The following TNRC18 variants were observed in gnomAD, a reference collection of about 807,000 sequenced individuals.
TNRC18 encodes the protein trinucleotide repeat containing 18.
Under a neutral mutation model 226.7 loss-of-function variants are expected in TNRC18, and 69 were observed. That is an observed-to-expected ratio of 0.30 (90% CI 0.25 to 0.37). The LOEUF is 0.37. TNRC18 is among the 10% of genes least tolerant of loss of function. The pLI, the probability that TNRC18 is intolerant of heterozygous loss-of-function variation, is 1.00. For synonymous variants in TNRC18, 2,449 were observed against 1,927.6 expected, an observed-to-expected ratio of 1.27 and a Z score of -7.09; for missense variants, 4,754 against 4,256.6, an observed-to-expected ratio of 1.12 and a Z score of -3.25.
In TNRC18 at chr7:5,359,497, C is replaced by T. The variant is rs1168348809; in HGVS notation, c.4734G>A (p.Gly1578=). The change falls in exon 15 of 30, where the codon GGG becomes GGA. Residue 1578 remains glycine, a synonymous_variant. Transcript: ENST00000430969. ...LGAGIRKRHK[G]SEEEHDALIG... ...TGAGGGCATCATGTTCCTCCTCAGA[C>T]CCCTTGTGTCTCTTTCTTATCCCTG... 5 of 1,613,916 alleles carry T rather than the reference C, an allele frequency of 3.1e-6. No homozygotes were observed. The highest frequency in any genetic ancestry group is 2.7e-5 in the African/African-American group (2 of 74,936).
intron 11 of TNRC18, among the ~76,000 whole-genome samples, chr7:5,368,613 C>T (rs1793860357): frequency 1.5e-5 from 2 of 134,002 alleles, no homozygotes; most frequent in Non-Finnish European, 3.0e-5. Flanking sequence ...TGCAGTGAGC[C>T]GAGATGGCAC....
At chr7:5,354,745 C>A (rs77943904) in intron 16 of TNRC18, among the ~76,000 whole-genome samples, 1 of 152,092 alleles carries the variant, frequency 6.6e-6, no homozygotes, top group Non-Finnish European at 1.5e-5. Flanking sequence ...ACGAAACACA[C>A]GCACCCTGAA....
chr7:5,331,723 A>G (rs913994950), intron 19 of TNRC18, among the ~76,000 whole-genome samples: 2 of 152,156 alleles, frequency 1.3e-5, no homozygotes, highest in African/African-American at 4.8e-5. Flanking sequence ...CAGCCTGGGC[A>G]ATGCAGCAAG....
At chr7:5,341,418 CAAA>C (rs35407523) in intron 18 of TNRC18, among the ~76,000 whole-genome samples, 12 of 85,068 alleles carry the variant, frequency 1.4e-4, no homozygotes, top group South Asian at 8.3e-4. Flanking sequence ...GACTCCATCT[CAAA>C]AAAAAAAAAA....
chr7:5,390,148 G>C, intron 4 of TNRC18: 1 of 434,968 alleles, frequency 2.3e-6, no homozygotes, highest in Non-Finnish European at 4.0e-6. Context: ...AGGATTGCTT[G>C]AGGCCAGGAG....
At position 5,329,105 on chromosome 7, in the gene TNRC18, C is replaced by T. The variant is rs141936482; in HGVS notation, c.6147+3517G>A. Among the ~76,000 whole-genome samples, 24 of 150,030 alleles carry T rather than the reference C, an allele frequency of 1.6e-4. 1 individual carries two copies. The highest frequency in any genetic ancestry group is 8.6e-4 in the Admixed American group (13 of 15,082). Reference sequence around the variant, plus strand: ...ATCACCTGAGGTCAGGAGTTCGAGACGAGACTGGCCAACATGGCGAAACCT... The same window carrying T: ...ATCACCTGAGGTCAGGAGTTCGAGATGAGACTGGCCAACATGGCGAAACCT... On this transcript the variant is annotated intron_variant, in intron 19 of 29. Transcript: ENST00000430969.
At chr7:5,354,358 G>C (rs1409455876) in intron 16 of TNRC18, among the ~76,000 whole-genome samples, 3 of 152,024 alleles carry the variant, frequency 2.0e-5, no homozygotes, top group African/African-American at 7.3e-5. Flanking sequence ...ACGTCCACCT[G>C]AAAGTGGGGA....
intron 10 of TNRC18, among the ~76,000 whole-genome samples, chr7:5,372,875 T>C (rs114665266): frequency 0.044 from 6,661 of 152,068 alleles, 281 homozygotes; most frequent in Admixed American, 0.13. Flanking sequence ...AAAAAATAAA[T>C]TGGCCAGACA....
chr7:5,315,864 C>G, intron 25 of TNRC18, 92 bp downstream of exon 25: 2 of 963,350 alleles, frequency 2.1e-6, no homozygotes, highest in Non-Finnish European at 3.0e-6. Flanking sequence ...CTCCAAATGA[C>G]TTCAGACAGA....
At chr7:5,403,435 C>T (rs1351542945) in intron 2 of TNRC18, among the ~76,000 whole-genome samples, 1 of 152,172 alleles carries the variant, frequency 6.6e-6, no homozygotes, top group Non-Finnish European at 1.5e-5. Flanking sequence ...GTTGGGATTA[C>T]AGGCGTGAGC....
Position 5,390,469 on chromosome 7 carries a change from C to G in TNRC18, c.487+16G>C. 1.9e-6 allele frequency: 3 copies of G among 1,613,392 alleles called. No individual in the cohort carries two copies. The highest frequency in any genetic ancestry group is 2.5e-6 in the Non-Finnish European group (3 of 1,179,802). ...AAGGCCCCTGTGCCACCCCCAACCC[C>G]GGACTCCAGTCTTACCTCCTCCTGG... On this transcript the variant is annotated intron_variant, in intron 4 of 29. Transcript: ENST00000430969.
intron 27 of TNRC18, among the ~76,000 whole-genome samples, chr7:5,310,400 T>G (rs956587909): frequency 3.3e-5 from 5 of 151,884 alleles, no homozygotes; most frequent in African/African-American, 2.4e-5. Context: ...TGGCTAATTT[T>G]TGTGTGTGTA....
intron 2 of TNRC18, among the ~76,000 whole-genome samples, chr7:5,404,550 C>T (rs747787678): frequency 2.6e-5 from 4 of 151,988 alleles, no homozygotes; most frequent in South Asian, 2.1e-4. Flanking sequence ...GTTAGCTGCC[C>T]GGGAAGGATG....
chr7:5,399,016 G>A lies in TNRC18; in HGVS notation c.188-4421C>T, dbSNP rs542148598. 2.0e-5 allele frequency among the ~76,000 whole-genome samples: 3 copies of A among 152,276 alleles called. No individual in the cohort carries two copies. The South Asian group carries it at 6.2e-4, about 32-fold the overall frequency. ...AAGGCATCCCGCAACTCACAAAAGAGGCTCTAAAATAAACCCCGAAGAAGC... is the reference window on the plus strand; with the variant it reads ...AAGGCATCCCGCAACTCACAAAAGAAGCTCTAAAATAAACCCCGAAGAAGC... On this transcript the variant is annotated intron_variant, in intron 2 of 29. Transcript: ENST00000430969.
rs750979200 is a variant in TNRC18, at chr7:5,324,182, C to T, written c.6442+32G>A. Reference sequence around the variant, plus strand: ...CCCCCAAGGGAGGCTCCAGCAGCCCCGCCCGGCACATGTGGCATCACGGCC... The same window carrying T: ...CCCCCAAGGGAGGCTCCAGCAGCCCTGCCCGGCACATGTGGCATCACGGCC... On this transcript the variant is annotated intron_variant, in intron 21 of 29. Transcript: ENST00000430969. The surrounding 1 kb of genome is among the most constrained non-coding windows in gnomAD (Gnocchi z 4.8). 13 of 1,563,098 alleles carry T rather than the reference C, an allele frequency of 8.3e-6. No individual in the cohort carries two copies. In the East Asian group the frequency reaches 1.2e-4, roughly 14 times the overall value.
chr7:5,323,017 G>A lies in TNRC18; in HGVS notation c.6442+1197C>T, dbSNP rs548772998. On this transcript the variant is annotated intron_variant, in intron 21 of 29. Coordinates refer to ENST00000430969, the MANE Select transcript of TNRC18 (RefSeq NM_001080495.3). ...GCAGGATAAACAACACACGCAGAGA[G>A]GACCACAGACCTGGAGCAGCTGACC... 2.0e-3 allele frequency among the ~76,000 whole-genome samples: 297 copies of A among 152,300 alleles called. 2 individuals carry two copies. The highest frequency in any genetic ancestry group is 6.5e-3 in the African/African-American group (271 of 41,568).
rs1470743241 is a variant in TNRC18 at position 5,394,859 on chromosome 7, G to A, written c.188-264C>T. ...CCCCACAGCAGACCCTCAGCCCTGG[G>A]CACCCCGCACCCTCGGAGGAGGGCC... On this transcript the variant is annotated intron_variant, in intron 2 of 29. Coordinates refer to ENST00000430969, the MANE Select transcript of TNRC18 (RefSeq NM_001080495.3). The surrounding 1 kb of genome is among the most constrained non-coding windows in gnomAD (Gnocchi z 4.5). Among the ~76,000 whole-genome samples, 2 of 152,084 alleles carry A rather than the reference G, an allele frequency of 1.3e-5. No individual in the cohort carries two copies. The highest frequency in any genetic ancestry group is 2.9e-5 in the Non-Finnish European group (2 of 67,988).
Position 5,371,020 on chromosome 7 carries a change from G to A in TNRC18, c.3574C>T (p.Pro1192Ser). 6.2e-7 allele frequency: 1 copy of A among 1,608,946 alleles called. No homozygotes were observed. The highest frequency in any genetic ancestry group is 1.1e-5 in the South Asian group (1 of 91,070). ...PAAEAMATPS[P>S]AGGCGGGLLE... ...AGGCCACCTCCACAACCCCCTGCAG[G>A]GCTGGGGGTAGCCATGGCTTCCGCG... The change falls in exon 11 of 30, where the codon CCT (proline) becomes TCT (serine). Residue 1192 changes from proline (P) to serine (S), a missense_variant. Transcript: ENST00000430969.
At chr7:5,359,716 G>A in intron 14 of TNRC18, 147 bp from the exon 15 acceptor site, 2 of 799,540 alleles carry the variant, frequency 2.5e-6, no homozygotes, top group Non-Finnish European at 4.1e-6. Flanking sequence ...GATGGATCTT[G>A]TAAAACAACA....
Sources: allele counts gnomAD v4.1 joint callset (sites outside exome capture counted in the v4.1 genomes callset), GRCh38; gene constraint gnomAD v4.1.1; non-coding constraint Gnocchi (gnomAD v3.1); transcripts MANE v1.5; gene names NCBI Gene and HGNC (gene_info 2026-07-23, HGNC 2026-07-21).